The following GSE1 variants were observed in gnomAD, a reference collection of about 807,000 sequenced individuals.
GSE1 encodes Gse1 coiled-coil protein.
In GSE1, 32 loss-of-function variants were observed where a neutral mutation model predicts 112.6. The ratio of observed to expected loss-of-function variants is 0.28; its 90% confidence interval spans 0.21 to 0.38. GSE1 has a LOEUF of 0.38. Ranked by LOEUF, GSE1 falls within the 10% of genes least tolerant of loss-of-function variation. The probability of loss-of-function intolerance (pLI) is 1.00; values close to 1 mark genes in which losing one functional copy is unlikely to be tolerated. For synonymous variants in GSE1, 1,115 were observed against 735.6 expected (o/e 1.52, Z -8.35); for missense variants, 2,348 against 1,699.2 (o/e 1.38, Z -6.71).
At chr16:85,555,067 A>G (rs2045132036), upstream of GSE1, 10 of 985,350 alleles carry the variant, frequency 1.0e-5, no homozygotes, top group Non-Finnish European at 1.2e-5. Context: ...CCTGCGAAGC[A>G]TGGAGCTGTT....
intron 1 of GSE1, chr16:85,285,108 AC>A (rs2044979716): frequency 6.6e-6 from 1 of 152,230 alleles, no homozygotes; most frequent in Non-Finnish European, 1.5e-5. Flanking sequence ...TTCAAAGGGG[AC>A]AATGGCCAGG....
chr16:85,250,340 C>G (rs1906331042), intron 1 of GSE1, among the ~76,000 whole-genome samples: 1 of 152,216 alleles, frequency 6.6e-6, no homozygotes, highest in African/African-American at 2.4e-5. Context: ...TCGCCCAGCC[C>G]CTGCAGGACC....
At chr16:85,535,870 G>A (rs774623202) in intron 2 of GSE1, among the ~76,000 whole-genome samples, 5 of 152,188 alleles carry the variant, frequency 3.3e-5, no homozygotes, top group East Asian at 1.9e-4. Context: ...TGTCCTGTCC[G>A]GCCCTACCTC....
chr16:85,245,845 G>A (rs1475340604), intron 1 of GSE1, among the ~76,000 whole-genome samples: 6 of 152,026 alleles, frequency 3.9e-5, no homozygotes, highest in Non-Finnish European at 8.8e-5. Flanking sequence ...GAACTTTCCT[G>A]GTCCTCACTG....
chr16:85,654,868 A>T lies in GSE1; in HGVS notation c.674A>T (p.Tyr225Phe). 1 of 1,611,324 alleles carries T rather than the reference A, an allele frequency of 6.2e-7. No individual in the cohort carries two copies. The highest frequency in any genetic ancestry group is 8.5e-7 in the Non-Finnish European group (1 of 1,179,270). The change falls in exon 5 of 16, where the codon TAC becomes TTC. Residue 225 changes from tyrosine to phenylalanine, a missense_variant. By Grantham distance (22) the Tyr-to-Phe change is conservative. Transcript: ENST00000253458. ...TEDYLRSFRP[Y>F]HTTDDLRMSS... is the part of the protein sequence containing the mutation. The stretch of plus-strand genomic sequence containing the variant: ...GACTACCTGAGAAGCTTCCGGCCCT[A>T]CCACACCACCGACGACCTCCGCATG...
chr16:85,457,345 C>T (rs2049857416), intron 2 of GSE1, among the ~76,000 whole-genome samples: 3 of 152,200 alleles, frequency 2.0e-5, no homozygotes, highest in South Asian at 4.1e-4. Context: ...GAGACTCCCC[C>T]CAGACTGGAC....
chr16:85,633,928 C>G lies in GSE1; in HGVS notation c.22C>G (p.Pro8Ala). Residue 8 changes from proline (P) to alanine (A), a missense_variant, in exon 2 of 16, where the codon CCC becomes GCC. Coordinates refer to ENST00000253458, the MANE Select transcript of GSE1 (RefSeq NM_014615.5). ...TCCTGTTTCAGGCATGAGCCATGAGCCCAAGTCCCCTTCGCTAGGGATGCT... is the reference window on the plus strand; with the variant it reads ...TCCTGTTTCAGGCATGAGCCATGAGGCCAAGTCCCCTTCGCTAGGGATGCT... MKGMSHE[P>A]KSPSLGMLST... The G allele has an allele frequency of 6.2e-7, 1 of 1,611,476 alleles. No individual in the cohort carries two copies. The highest frequency in any genetic ancestry group is 1.1e-5 in the South Asian group (1 of 90,514).
rs192884553 is a variant in GSE1 at position 85,487,015 on chromosome 16, A to G, written c.2464+129372A>G. 3.2e-3 allele frequency among the ~76,000 whole-genome samples: 491 copies of G among 152,218 alleles called. 3 individuals carry two copies. Among genetic ancestry groups the G allele is most frequent in the African/African-American group, 0.011 (466 of 41,536 alleles). On this transcript the variant is annotated intron_variant, in intron 2 of 2. Transcript: ENST00000637419. ...GACTTGGGGTTCACGGGTGGTTGCT[A>G]TGTACCCCAGGGGGTTCTGATACAG...
intron 1 of GSE1, among the ~76,000 whole-genome samples, chr16:85,220,643 G>A (rs1203687018): frequency 1.3e-5 from 2 of 152,076 alleles, no homozygotes; most frequent in African/African-American, 2.4e-5. Flanking sequence ...GCTGCTGCCC[G>A]CTTGCCCTGG....
At position 85,419,145 on chromosome 16, in the gene GSE1, G is replaced by A. The variant is rs1358710462; in HGVS notation, c.2464+61502G>A. On this transcript the variant is annotated intron_variant, in intron 2 of 2. Coordinates refer to the GSE1 transcript ENST00000637419. This position sits in a 1 kb window ranked among gnomAD's most constrained non-coding sequence, Gnocchi z 6.5. ...GGGAGACACCTTGGGAGTGAGTGAC[G>A]TGATGGGAGCCCAGGCACCGAGCCT... Among the ~76,000 whole-genome samples the A allele has an allele frequency of 2.6e-5, 4 of 152,184 alleles. No homozygotes were observed. Among genetic ancestry groups the A allele is most frequent in the Non-Finnish European group, 4.4e-5 (3 of 68,040 alleles).
At chr16:85,347,921 T>C (rs922904499) in intron 1 of GSE1, among the ~76,000 whole-genome samples, 3 of 152,210 alleles carry the variant, frequency 2.0e-5, no homozygotes, top group East Asian at 1.9e-4. Context: ...CTCGAGGCCT[T>C]GAACCAGGGA....
intron 2 of GSE1, among the ~76,000 whole-genome samples, chr16:85,485,378 AG>A (rs1022543534): frequency 6.9e-6 from 1 of 144,896 alleles, no homozygotes; most frequent in African/African-American, 2.9e-5. Context: ...CTGTCACACC[AG>A]GGGCGGTGGG....
chr16:85,661,768 C>T lies in GSE1; in HGVS notation c.2260+3C>T, dbSNP rs1195798710. On this transcript the variant is annotated splice_donor_region_variant and intron_variant, in intron 9 of 15. Coordinates refer to ENST00000253458, the MANE Select transcript of GSE1 (RefSeq NM_014615.5). ...GCGGCGGGAGGCCCAGGAGAAAGGT[C>T]TGCCTCCCCGCGGGCCCCGAGCTGC... The T allele has an allele frequency of 6.6e-6, 10 of 1,508,730 alleles. No individual in the cohort carries two copies. In the African/African-American group the frequency reaches 6.9e-5, roughly 10 times the overall value. 93.5% of individuals were successfully genotyped at this position (1,508,730 alleles called of 1,614,324 possible).
intron 1 of GSE1, among the ~76,000 whole-genome samples, chr16:85,630,821 T>C (rs1317536288): frequency 6.6e-6 from 1 of 152,164 alleles, no homozygotes. Context: ...TTAGGTCATC[T>C]CCTGGTCTCG....
intron 1 of GSE1, among the ~76,000 whole-genome samples, chr16:85,208,298 G>A (rs908158426): frequency 1.3e-5 from 2 of 152,156 alleles, no homozygotes; most frequent in African/African-American, 4.8e-5. Flanking sequence ...CGTCGCTGGC[G>A]GAAGGAATCA....
At chr16:85,671,367 G>C (rs895889242) in intron 15 of GSE1, among the ~76,000 whole-genome samples, 2 of 145,676 alleles carry the variant, frequency 1.4e-5, no homozygotes, top group South Asian at 2.2e-4. Flanking sequence ...GTGAACCCGG[G>C]AGGCGGAGCT....
chr16:85,342,878 A>C (rs7185803), intron 1 of GSE1, among the ~76,000 whole-genome samples: 3 of 150,032 alleles, frequency 2.0e-5, no homozygotes, highest in Non-Finnish European at 3.0e-5. Context: ...CCATGCACAA[A>C]TTGTACCCCT....
At chr16:85,358,719 G>A (rs1481826211) in intron 2 of GSE1, among the ~76,000 whole-genome samples, 3 of 152,084 alleles carry the variant, frequency 2.0e-5, no homozygotes, top group Non-Finnish European at 2.9e-5. Flanking sequence ...GGGGCTTTAG[G>A]GACGCTGACC....
chr16:85,597,851 G>C (rs766940706), intron 1 of GSE1, among the ~76,000 whole-genome samples: 5 of 152,198 alleles, frequency 3.3e-5, no homozygotes, highest in Non-Finnish European at 5.9e-5. Context: ...CGCTCTGTAG[G>C]AGAATGAGCT....
Sources: allele counts gnomAD v4.1 joint callset (sites outside exome capture counted in the v4.1 genomes callset), GRCh38; gene constraint gnomAD v4.1.1; non-coding constraint Gnocchi (gnomAD v3.1); transcripts MANE v1.5; gene names NCBI Gene and HGNC (gene_info 2026-07-23, HGNC 2026-07-21).